Variants in PHTF1 observed in about 807,000 individuals in gnomAD.
PHTF1 encodes protein PHTF1.
A neutral mutation model predicts 102.4 loss-of-function variants in PHTF1; 88 were observed. The observed-to-expected ratio is 0.86, with a 90% CI of 0.72 to 1.03. The LOEUF (loss-of-function observed/expected upper bound fraction) is 1.03. Ranked by LOEUF, PHTF1 falls within the 50% of genes least tolerant of loss-of-function variation. The probability of loss-of-function intolerance (pLI) is 0.00; values close to 1 mark genes in which losing one functional copy is unlikely to be tolerated. For synonymous variants in PHTF1, 289 were observed against 305.2 expected (o/e 0.95, Z 0.55); for missense variants, 814 against 909.5 (o/e 0.89, Z 1.35).
At chr1:113,709,621 A>C (rs1483407770) in intron 11 of PHTF1, among the ~76,000 whole-genome samples, 2 of 152,184 alleles carry the variant, frequency 1.3e-5, no homozygotes, top group Non-Finnish European at 2.9e-5. Context: ...ATAAATAATA[A>C]TGCTAACATT....
chr1:113,753,926 C>T (rs1658474242), intron 3 of PHTF1, among the ~76,000 whole-genome samples: 1 of 152,102 alleles, frequency 6.6e-6, no homozygotes, highest in Non-Finnish European at 1.5e-5. Flanking sequence ...CCACTTTGGC[C>T]TCCCAAAGTG....
chr1:113,698,455 T>G, intron 17 of PHTF1, 68 bp from the exon 18 acceptor site: 1 of 1,459,860 alleles, frequency 6.8e-7, no homozygotes, highest in South Asian at 1.2e-5. Context: ...GACTTCTTGC[T>G]GTGTTTTGTC....
At chr1:113,698,489 G>C (rs1649047425) in intron 17 of PHTF1, 102 bp from the exon 18 acceptor site, 1 of 987,500 alleles carries the variant, frequency 1.0e-6, no homozygotes, top group African/African-American at 1.7e-5. Flanking sequence ...AATGCTTAAG[G>C]CTGTCTTTCC....
intron 3 of PHTF1, among the ~76,000 whole-genome samples, chr1:113,739,394 C>T (rs1258918120): frequency 6.6e-6 from 1 of 152,200 alleles, no homozygotes; most frequent in Non-Finnish European, 1.5e-5. Context: ...GCCATCTCTC[C>T]TCTCCTCTGA....
At chr1:113,743,517 T>C (rs1656743256) in intron 3 of PHTF1, among the ~76,000 whole-genome samples, 1 of 152,210 alleles carries the variant, frequency 6.6e-6, no homozygotes, top group African/African-American at 2.4e-5. Context: ...CAATTCAAAG[T>C]ATAGTATAGT....
intron 3 of PHTF1, among the ~76,000 whole-genome samples, chr1:113,750,902 A>G (rs1279325692): frequency 6.6e-6 from 1 of 151,740 alleles, no homozygotes; most frequent in Non-Finnish European, 1.5e-5. Context: ...CTTATTTTGG[A>G]GGACTAAGTT....
Position 113,706,059 on chromosome 1 carries a change from C to A in PHTF1, c.1502G>T (p.Ser501Ile). Residue 501 changes from serine to isoleucine, a missense_variant, in exon 13 of 19, where the codon AGC becomes ATC. By Grantham distance (142) the Ser-to-Ile change is moderately radical. Transcript: ENST00000369604. ...PFLHRLFREK[S>I]LDQLKSISAE... ...TGAAATGGACTTTAGTTGGTCAAGG[C>A]TCTTCTCACGGAAAAGTCGATGTAA... is the stretch of plus-strand genomic sequence containing the variant. 4 of 1,614,132 alleles carry A rather than the reference C, an allele frequency of 2.5e-6. No individual in the cohort carries two copies. Among genetic ancestry groups the A allele is most frequent in the Non-Finnish European group, 1.7e-6 (2 of 1,179,990 alleles).
chr1:113,712,783 AAT>A (rs1491436933), intron 8 of PHTF1, among the ~76,000 whole-genome samples: 1 of 129,978 alleles, frequency 7.7e-6, no homozygotes, highest in African/African-American at 3.1e-5. Context: ...TAACTCACAA[AAT>A]TTTTTTTTTT....
At chr1:113,750,244 G>A (rs919615594) in intron 3 of PHTF1, among the ~76,000 whole-genome samples, 14 of 152,066 alleles carry the variant, frequency 9.2e-5, no homozygotes, top group African/African-American at 3.4e-4. Flanking sequence ...GCTTCCCAGA[G>A]TGCTGGGATT....
chr1:113,700,180 T>C, intron 16 of PHTF1: 1 of 956,754 alleles, frequency 1.0e-6, no homozygotes, highest in Non-Finnish European at 1.2e-6. Context: ...CAGAAGAAGA[T>C]AGCTCCTTTT....
Position 113,744,675 on chromosome 1 carries a change from C to T in PHTF1, c.103-5876G>A, listed in dbSNP as rs559053827. Among the ~76,000 whole-genome samples, 10 of 152,284 alleles carry T rather than the reference C, an allele frequency of 6.6e-5. No individual in the cohort carries two copies. In the East Asian group the frequency reaches 1.9e-3, roughly 29 times the overall value. On this transcript the variant is annotated intron_variant, in intron 3 of 18. Coordinates refer to ENST00000369604, the MANE Select transcript of PHTF1 (RefSeq NM_001323043.2). ...TATAGCAAAATGAGGAATCAAGAAACACATATGATCATGCCTGCAATCCCA... is the reference window on the plus strand; with the variant it reads ...TATAGCAAAATGAGGAATCAAGAAATACATATGATCATGCCTGCAATCCCA...
At chr1:113,721,116 A>C (rs747206266) in intron 7 of PHTF1, among the ~76,000 whole-genome samples, 13 of 152,168 alleles carry the variant, frequency 8.5e-5, no homozygotes, top group Non-Finnish European at 1.6e-4. Flanking sequence ...AATATTAGTA[A>C]CAATAAGATA....
rs1557908136 is a variant in PHTF1 at position 113,706,172 on chromosome 1, A to C, written c.1399-10T>G. 6.3e-7 allele frequency: 1 copy of C among 1,584,734 alleles called. No homozygotes were observed. The highest frequency in any genetic ancestry group is 2.2e-5 in the East Asian group (1 of 44,608). On this transcript the variant is annotated splice_polypyrimidine_tract_variant and intron_variant, in intron 12 of 18. Coordinates refer to ENST00000369604, the MANE Select transcript of PHTF1 (RefSeq NM_001323043.2). ...GCTGATAGGCATTGACCTGTGAATT[A>C]ATTTAAAATTTCCACCATTATTGTG...
intron 7 of PHTF1, among the ~76,000 whole-genome samples, chr1:113,719,881 C>T (rs1652638546): frequency 6.6e-6 from 1 of 152,172 alleles, no homozygotes; most frequent in African/African-American, 2.4e-5. Flanking sequence ...CTTACAGTTC[C>T]ACAAGGCTGG....
intron 7 of PHTF1, among the ~76,000 whole-genome samples, chr1:113,722,965 A>AATAT (rs1485214404): frequency 2.1e-5 from 3 of 140,904 alleles, no homozygotes; most frequent in African/African-American, 8.4e-5. Flanking sequence ...TAAATAAATA[A>AATAT]AAATAAAAAT....
intron 10 of PHTF1, among the ~76,000 whole-genome samples, chr1:113,711,470 C>A (rs1320892659): frequency 6.6e-6 from 1 of 152,092 alleles, no homozygotes; most frequent in Non-Finnish European, 1.5e-5. Context: ...ACTTCATATG[C>A]CAAGTGAATA....
intron 5 of PHTF1, among the ~76,000 whole-genome samples, chr1:113,729,276 T>G (rs995350153): frequency 1.6e-4 from 25 of 152,114 alleles, no homozygotes; most frequent in South Asian, 1.2e-3. Context: ...AGAAGGGTAG[T>G]GGGGGTGGAG....
intron 15 of PHTF1, among the ~76,000 whole-genome samples, chr1:113,701,471 T>G (rs1026026220): frequency 1.9e-4 from 29 of 152,148 alleles, no homozygotes; most frequent in Admixed American, 1.9e-3. Flanking sequence ...TTAAATTTGT[T>G]GATTTAAAAG....
intron 7 of PHTF1, among the ~76,000 whole-genome samples, chr1:113,718,073 G>A (rs886239864): frequency 4.6e-5 from 7 of 152,236 alleles, no homozygotes; most frequent in Admixed American, 3.9e-4. Flanking sequence ...TTCCACCTAT[G>A]AGCCTGTAAA....
Sources: gnomAD v4.1 joint callset for allele counts (sites outside exome capture counted in the v4.1 genomes callset) on GRCh38, gnomAD v4.1.1 for gene constraint, MANE v1.5 for transcripts, NCBI Gene and HGNC (gene_info 2026-07-23, HGNC 2026-07-21) for gene names.